The following ACAD10 variants were observed in gnomAD, a reference collection of about 807,000 sequenced individuals.
The protein encoded by ACAD10 is ACAD-10.
Under a neutral mutation model 116.8 loss-of-function variants are expected in ACAD10, and 112 were observed. The ratio of observed to expected loss-of-function variants is 0.96; its 90% confidence interval spans 0.82 to 1.12. ACAD10 has a LOEUF of 1.12. Among genes scored for constraint, ACAD10 ranks in the 50% most tolerant of loss-of-function variants. The pLI is 0.00. For synonymous variants in ACAD10, 486 were observed against 510.6 expected (o/e 0.95, Z 0.65); for missense variants, 1,259 against 1,350.2 (o/e 0.93, Z 1.06).
chr12:111,720,653 T>C (rs1888988720), intron 7 of ACAD10, among the ~76,000 whole-genome samples: 1 of 152,268 alleles, frequency 6.6e-6, no homozygotes, highest in South Asian at 2.1e-4. Context: ...ATTTCCATCC[T>C]TGTTTTTGCA....
rs370370896 is a variant in ACAD10, at chr12:111,746,173, C to T, written c.2145C>T (p.Asn715=). Residue 715 remains asparagine, a synonymous_variant, in exon 14 of 21, where the codon AAC becomes AAT. Coordinates refer to ENST00000313698, the MANE Select transcript of ACAD10 (RefSeq NM_025247.6). The part of the protein sequence containing the change: ...KEKAKAEGLW[N]LFLPLEADPE... The stretch of plus-strand genomic sequence containing the variant: ...AAGCCAAAGCTGAAGGACTTTGGAA[C>T]CTTTTCCTACCCTTAGAGGCTGATC... 1.2e-6 allele frequency: 2 copies of T among 1,613,870 alleles called. No homozygotes were observed. The highest frequency in any genetic ancestry group is 1.7e-5 in the Admixed American group (1 of 59,928).
intron 5 of ACAD10, among the ~76,000 whole-genome samples, chr12:111,710,611 CAGCCCCCTGAGT>C (rs1198823092): frequency 6.6e-6 from 1 of 151,648 alleles, no homozygotes; most frequent in East Asian, 1.9e-4. Context: ...TCTCGTGTGT[CAGCCCCCTGAGT>C]AGCTGGGACT....
chr12:111,728,514 T>C (rs1160149314), intron 9 of ACAD10, among the ~76,000 whole-genome samples: 2 of 152,164 alleles, frequency 1.3e-5, no homozygotes, highest in Non-Finnish European at 2.9e-5. Flanking sequence ...TTTTTACCCT[T>C]TCCCCTAAAT....
chr12:111,707,587 C>T (rs921637100), intron 4 of ACAD10, among the ~76,000 whole-genome samples: 5 of 152,116 alleles, frequency 3.3e-5, no homozygotes, highest in Admixed American at 1.3e-4. Flanking sequence ...GGGAACAGCT[C>T]ATGAAATATA....
intron 16 of ACAD10, 160 bp downstream of exon 16, chr12:111,747,545 G>T (rs554378083): frequency 6.8e-7 from 1 of 1,464,254 alleles, no homozygotes; most frequent in East Asian, 2.5e-5. Flanking sequence ...GAATAGGAGG[G>T]TAATCCGTGG....
chr12:111,714,963 G>A (rs1248859764), intron 6 of ACAD10, among the ~76,000 whole-genome samples: 3 of 152,076 alleles, frequency 2.0e-5, no homozygotes, highest in East Asian at 1.9e-4. Context: ...TGATCTACCC[G>A]CCTTGGCCTC....
intron 1 of ACAD10, chr12:111,690,385 C>A (rs77500230): frequency 6.6e-6 from 1 of 151,938 alleles, no homozygotes; most frequent in Non-Finnish European, 1.5e-5. Context: ...TAAGTACTTA[C>A]GTGTGGAATT....
intron 10 of ACAD10, among the ~76,000 whole-genome samples, chr12:111,730,442 A>G (rs1889353664): frequency 6.6e-6 from 1 of 151,664 alleles, no homozygotes; most frequent in Non-Finnish European, 1.5e-5. Context: ...GTGTAATGAA[A>G]GGATTGAAAG....
At chr12:111,723,707 G>A (rs1421471773) in intron 8 of ACAD10, among the ~76,000 whole-genome samples, 27 of 144,704 alleles carry the variant, frequency 1.9e-4, no homozygotes, top group Non-Finnish European at 3.1e-4. Context: ...CCTCCCTCCC[G>A]GACGGGGTGG....
At chr12:111,706,671 G>A (rs1366927292) in intron 4 of ACAD10, among the ~76,000 whole-genome samples, 2 of 150,880 alleles carry the variant, frequency 1.3e-5, no homozygotes, top group Non-Finnish European at 2.9e-5. Flanking sequence ...GGCTGGTCTC[G>A]AACTCCCAAC....
intron 12 of ACAD10, among the ~76,000 whole-genome samples, chr12:111,743,990 C>T (rs764250664): frequency 1.9e-4 from 29 of 151,976 alleles, no homozygotes; most frequent in Non-Finnish European, 3.4e-4. Context: ...TCAAGTGATC[C>T]GCCCACCTCA....
chr12:111,750,725 A>G (rs1181044793), intron 18 of ACAD10, among the ~76,000 whole-genome samples: 1 of 152,070 alleles, frequency 6.6e-6, no homozygotes, highest in Non-Finnish European at 1.5e-5. Context: ...CCATAATCCT[A>G]CCACCCCCAA....
chr12:111,703,976 G>T (rs1049406328), intron 3 of ACAD10, among the ~76,000 whole-genome samples: 5 of 151,420 alleles, frequency 3.3e-5, no homozygotes, highest in African/African-American at 7.3e-5. Flanking sequence ...TATGCAAAGT[G>T]AAAGAAGCCA....
chr12:111,749,931 C>T (rs775929599), intron 18 of ACAD10, among the ~76,000 whole-genome samples: 8 of 150,946 alleles, frequency 5.3e-5, no homozygotes, highest in African/African-American at 1.9e-4. Flanking sequence ...CGTGCCACCA[C>T]GCCCAGCTAA....
chr12:111,712,768 T>C, intron 6 of ACAD10, 111 bp downstream of exon 6: 3 of 1,259,240 alleles, frequency 2.4e-6, no homozygotes, highest in Middle Eastern at 4.4e-4. Flanking sequence ...AGCTTTACAG[T>C]GAGGAAAATA....
rs143391323 is a variant in ACAD10 at position 111,753,776 on chromosome 12, A to C, written c.2822A>C (p.Lys941Thr). Residue 941 changes from lysine to threonine, a missense_variant, in exon 19 of 21, where the codon AAG (lysine) becomes ACG (threonine). Physicochemically the swap from Lys to Thr is moderately conservative, Grantham distance 78 (BLOSUM62 -1). Coordinates refer to ENST00000313698, the MANE Select transcript of ACAD10 (RefSeq NM_025247.6). Reference sequence around the variant, plus strand: ...GCACATCTCCTGTGTCGACAGGTGAAGTCCCGCTTGGCTTTTGGGAAGCCC... The same window carrying C: ...GCACATCTCCTGTGTCGACAGGTGACGTCCCGCTTGGCTTTTGGGAAGCCC... Reference protein sequence around the residue: ...RALALMKARVKSRLAFGKPLV... With the variant: ...RALALMKARVTSRLAFGKPLV... 9.0e-5 allele frequency: 146 copies of C among 1,613,824 alleles called. No individual in the cohort carries two copies. Among genetic ancestry groups the C allele is most frequent in the Non-Finnish European group, 1.1e-4 (129 of 1,180,034 alleles).
At chr12:111,689,619 C>T (rs143652485) in intron 1 of ACAD10, among the ~76,000 whole-genome samples, 38 of 152,118 alleles carry the variant, frequency 2.5e-4, no homozygotes, top group African/African-American at 9.6e-5. Flanking sequence ...TCAGGTGATC[C>T]GCCTACATTA....
intron 17 of ACAD10, 124 bp downstream of exon 17, chr12:111,748,599 G>A: frequency 9.5e-7 from 1 of 1,050,664 alleles, no homozygotes; most frequent in Non-Finnish European, 1.4e-6. Context: ...ATGACATTTG[G>A]AGTCACATGC....
At chr12:111,756,003 G>A (rs1258210964) in intron 20 of ACAD10, 6 of 766,904 alleles carry the variant, frequency 7.8e-6, no homozygotes, top group Non-Finnish European at 1.2e-5. Context: ...GCAAGTAGCT[G>A]ACCTCAAATT....
Sources: gnomAD v4.1 joint callset for allele counts (sites outside exome capture counted in the v4.1 genomes callset) on GRCh38, gnomAD v4.1.1 for gene constraint, MANE v1.5 for transcripts, NCBI Gene and HGNC (gene_info 2026-07-23, HGNC 2026-07-21) for gene names.